Variants in WDFY4 observed in about 807,000 individuals in gnomAD.
The protein encoded by WDFY4 is WDFY family member 4.
In WDFY4, 169 loss-of-function variants were observed where a neutral mutation model predicts 351.9. The observed-to-expected ratio is 0.48, with a 90% CI of 0.42 to 0.55. WDFY4 has a LOEUF of 0.55. Among genes scored for constraint, WDFY4 ranks in the 20% least tolerant of loss-of-function variants. The pLI is 0.00. For missense variants in WDFY4, 3,803 were observed against 3,935.6 expected, an observed-to-expected ratio of 0.97 and a Z score of 0.90; for synonymous variants, 1,622 against 1,574.6, an observed-to-expected ratio of 1.03 and a Z score of -0.71.
At chr10:48,705,530 T>C (rs1186868494) in intron 1 of WDFY4, among the ~76,000 whole-genome samples, 1 of 152,154 alleles carries the variant, frequency 6.6e-6, no homozygotes, top group African/African-American at 2.4e-5. Context: ...TCACATGGCC[T>C]GCAAGCCTAC....
intron 57 of WDFY4, among the ~76,000 whole-genome samples, chr10:48,974,519 A>AAAAAAAAAAAAAC (rs1352344126): frequency 6.0e-5 from 3 of 49,924 alleles, no homozygotes; most frequent in African/African-American, 1.4e-4. Flanking sequence ...AAAAAAAAAA[A>AAAAAAAAAAAAAC]AAAAAAAAAA....
Position 48,719,077 on chromosome 10 carries a change from AGATT to A in WDFY4, c.235-931_235-928del, listed in dbSNP as rs375853832. On this transcript the variant is annotated intron_variant, in intron 2 of 61. Transcript: ENST00000325239. The stretch of plus-strand genomic sequence containing the variant: ...AACTAAAGCCAGAAAATGTAAGAAT[AGATT>A]GAGAAATTTGATTTCATAGGAATTT... Among the ~76,000 whole-genome samples the A allele has an allele frequency of 6.6e-3, 1,009 of 152,354 alleles. 9 individuals carry two copies. The highest frequency in any genetic ancestry group is 0.023 in the African/African-American group (964 of 41,586).
chr10:48,774,656 G>A lies in WDFY4; in HGVS notation c.2752G>A (p.Glu918Lys), dbSNP rs1402852595. The A allele has an allele frequency of 6.4e-6, 10 of 1,551,596 alleles. No individual in the cohort carries two copies. The highest frequency in any genetic ancestry group is 7.8e-6 in the Non-Finnish European group (9 of 1,147,004). The change falls in exon 14 of 62, where the codon GAA (glutamate) becomes AAA (lysine). Residue 918 changes from glutamate (E) to lysine (K), a missense_variant. This residue lies in a region of WDFY4 where 3,054 missense variants were observed against 3,148.6 expected (regional missense o/e 0.97). Coordinates refer to ENST00000325239, the MANE Select transcript of WDFY4 (RefSeq NM_001394531.1). Reference sequence around the variant, plus strand: ...TGAGAAGCTCGCTTCCCAGGCCATTGAACCGGATGTGCTAAGGTACCACAT... The same window carrying A: ...TGAGAAGCTCGCTTCCCAGGCCATTAAACCGGATGTGCTAAGGTACCACAT... ...IFEKLASQAI[E>K]PDVLRQFLGL...
chr10:48,898,177 A>G (rs1837183996), intron 45 of WDFY4, among the ~76,000 whole-genome samples: 1 of 152,180 alleles, frequency 6.6e-6, no homozygotes, highest in Admixed American at 6.5e-5. Context: ...TCAGAGGAAA[A>G]GCTCAGCCAT....
chr10:48,943,598 C>T (rs986313986), intron 49 of WDFY4, 149 bp downstream of exon 49: 19 of 646,306 alleles, frequency 2.9e-5, no homozygotes, highest in Non-Finnish European at 3.9e-5. Flanking sequence ...GCTCAGATCT[C>T]TTTTTTTTTT....
chr10:48,906,619 A>G (rs1445560175), intron 47 of WDFY4, among the ~76,000 whole-genome samples: 1 of 152,208 alleles, frequency 6.6e-6, no homozygotes, highest in African/African-American at 2.4e-5. Context: ...ATGTAAAAAG[A>G]CCAATCAGAA....
intron 1 of WDFY4, among the ~76,000 whole-genome samples, chr10:48,695,679 G>A (rs1257952090): frequency 6.6e-6 from 1 of 152,096 alleles, no homozygotes; most frequent in Admixed American, 6.6e-5. Context: ...GCCCTGATCG[G>A]CTCCCAGTTT....
chr10:48,981,439 G>A lies in WDFY4; in HGVS notation c.9449G>A (p.Ser3150Asn). The A allele has an allele frequency of 6.4e-7, 1 of 1,551,728 alleles. No homozygotes were observed. Among genetic ancestry groups the A allele is most frequent in the Non-Finnish European group, 8.7e-7 (1 of 1,147,000 alleles). The change falls in exon 61 of 62, where the codon AGC (serine) becomes AAC (asparagine). Residue 3150 changes from serine (S) to asparagine (N), a missense_variant. Physicochemically the swap from Ser to Asn is conservative, Grantham distance 46. Transcript: ENST00000325239. ...AGCATTGCTTTGACAGGGAAGCCCA[G>A]CAAAACCAGCCCCGCAGTGACTGCT... ...DVSIALTGKP[S>N]KTSPAVTALA...
intron 55 of WDFY4, chr10:48,966,950 G>T (rs773650545): frequency 2.3e-6 from 1 of 429,448 alleles, no homozygotes. Context: ...CCTCTTTCAG[G>T]CACACACACA....
At chr10:48,721,190 G>C (rs2064075706) in intron 3 of WDFY4, 71 bp from the exon 4 acceptor site, 4 of 1,427,210 alleles carry the variant, frequency 2.8e-6, no homozygotes, top group Non-Finnish European at 3.9e-6. Context: ...CCTGGGAAGA[G>C]GGGGCCCTGG....
intron 24 of WDFY4, 91 bp downstream of exon 24, chr10:48,796,541 C>T (rs2066881395): frequency 1.4e-6 from 2 of 1,460,938 alleles, no homozygotes; most frequent in East Asian, 5.0e-5. Flanking sequence ...AGCATGTCAG[C>T]TTCCCTCATA....
At position 48,790,830 on chromosome 10, in the gene WDFY4, C is replaced by G; in HGVS notation, c.4170C>G (p.Thr1390=). The G allele has an allele frequency of 6.4e-7, 1 of 1,551,778 alleles. No individual in the cohort carries two copies. Among genetic ancestry groups the G allele is most frequent in the Non-Finnish European group, 8.7e-7 (1 of 1,147,020 alleles). The change falls in exon 23 of 62, where the codon ACC becomes ACG. Residue 1390 remains threonine, a synonymous_variant. Transcript: ENST00000325239. ...GLISLATDDH[T]MYAAVKVLHS... The stretch of plus-strand genomic sequence containing the variant: ...TCTCCTTAGCGACAGATGACCATAC[C>G]ATGTATGCGGCTGTGAAAGTTCTGC...
intron 4 of WDFY4, 104 bp from the exon 5 acceptor site, chr10:48,723,329 T>C (rs1269491254): frequency 2.7e-5 from 38 of 1,390,696 alleles, no homozygotes; most frequent in Middle Eastern, 2.6e-4. Flanking sequence ...AGAGGGACTG[T>C]CCCATGGCCT....
chr10:48,922,173 C>A lies in WDFY4; in HGVS notation c.7587-19633C>A, dbSNP rs942323815. Among the ~76,000 whole-genome samples the A allele has an allele frequency of 2.6e-5, 4 of 152,244 alleles. No homozygotes were observed. In the East Asian group the frequency reaches 7.7e-4, roughly 29 times the overall value. ...CAGATTGGAAATATTAAATGGAAAA[C>A]CCCAGAAATAAGAAATTCATACATT... is the stretch of plus-strand genomic sequence containing the variant. On this transcript the variant is annotated intron_variant, in intron 47 of 61. Transcript: ENST00000325239.
intron 47 of WDFY4, among the ~76,000 whole-genome samples, chr10:48,922,550 T>C (rs1839180208): frequency 6.6e-6 from 1 of 152,232 alleles, no homozygotes; most frequent in South Asian, 2.1e-4. Flanking sequence ...TGATGAATTG[T>C]TGTTCATCTC....
At chr10:48,981,544 C>A in intron 61 of WDFY4, 66 bp downstream of exon 61, 1 of 1,483,068 alleles carries the variant, frequency 6.7e-7, no homozygotes, top group Non-Finnish European at 9.2e-7. Context: ...AGGAAAGCCC[C>A]AGTGGCTCTG....
At chr10:48,822,231 G>A (rs762261139) in intron 34 of WDFY4, 149 bp from the exon 35 acceptor site, 3 of 738,112 alleles carry the variant, frequency 4.1e-6, no homozygotes, top group Non-Finnish European at 5.8e-6. Flanking sequence ...GTGTGTGTTG[G>A]GCACCTCGTC....
At chr10:48,874,654 A>T (rs1053568469) in intron 41 of WDFY4, among the ~76,000 whole-genome samples, 5 of 152,302 alleles carry the variant, frequency 3.3e-5, no homozygotes, top group African/African-American at 1.2e-4. Flanking sequence ...GAAGCAAAAA[A>T]AAATAAAAAA....
At chr10:48,902,665 A>T (rs1056793410) in intron 47 of WDFY4, among the ~76,000 whole-genome samples, 3 of 152,040 alleles carry the variant, frequency 2.0e-5, no homozygotes, top group Non-Finnish European at 4.4e-5. Context: ...CATTCTCACC[A>T]GGAGGACAGA....
Sources: allele counts gnomAD v4.1 joint callset (sites outside exome capture counted in the v4.1 genomes callset), GRCh38; gene constraint gnomAD v4.1.1; regional missense constraint gnomAD v4.1.1; transcripts MANE v1.5; gene names NCBI Gene and HGNC (gene_info 2026-07-23, HGNC 2026-07-21).